FAM168B: variants seen among roughly 807,000 people sequenced by gnomAD.
FAM168B encodes the protein family with sequence similarity 168 member B, also known as myelin-associated neurite-outgrowth inhibitor.
In FAM168B, 19 loss-of-function variants were observed where a neutral mutation model predicts 21.8. The ratio of observed to expected loss-of-function variants is 0.87; its 90% CI spans 0.61 to 1.28. The LOEUF (loss-of-function observed/expected upper bound fraction) is 1.28. Among genes scored for constraint, FAM168B ranks in the 50% most tolerant of loss-of-function variants. The pLI, the probability that FAM168B is intolerant of heterozygous loss-of-function variation, is 0.00. For synonymous variants in FAM168B, 126 were observed against 104.8 expected, an observed-to-expected ratio of 1.20 and a Z score of -1.24; for missense variants, 233 against 263.1, an observed-to-expected ratio of 0.89 and a Z score of 0.79.
chr2:131,090,797 C>T (rs752667633), intron 1 of FAM168B, among the ~76,000 whole-genome samples: 3 of 152,136 alleles, frequency 2.0e-5, no homozygotes, highest in Non-Finnish European at 4.4e-5. Flanking sequence ...GGCACAATCT[C>T]GGCTCACTGC....
In FAM168B at chr2:131,049,215, C is replaced by T. The variant is rs971011084; in HGVS notation, c.*3250G>A. On this transcript the variant is annotated 3_prime_UTR_variant, in exon 7 of 7. Coordinates refer to ENST00000389915, the MANE Select transcript of FAM168B (RefSeq NM_001009993.4). ...GACACATGCAAATTATTTCCTAGACCTCATTCATCACAGCCAGATGATGCC... is the reference window on the plus strand; with the variant it reads ...GACACATGCAAATTATTTCCTAGACTTCATTCATCACAGCCAGATGATGCC... 1.0e-6 allele frequency: 1 copy of T among 985,266 alleles called. No homozygotes were observed. The highest frequency in any genetic ancestry group is 1.7e-5 in the African/African-American group (1 of 57,212). The allele number at this position is 985,266 out of a possible 1,614,324, so 61.0% of individuals were successfully genotyped here.
In FAM168B at chr2:131,071,914, G is replaced by A. The variant is rs958271838; in HGVS notation, c.95C>T (p.Ala32Val). Residue 32 changes from alanine (A) to valine (V), a missense_variant, in exon 3 of 7, where the codon GCA (alanine) becomes GTA (valine). By Grantham distance (64) the Ala-to-Val change is moderately conservative. Transcript: ENST00000389915. ...GTTAGGAGAATAGGCAGGAGCTGCT[G>A]CTGCATAGCCCATGGGAAAACCAGC... Reference protein sequence around the residue: ...YPAGFPMGYAAAAPAYSPNMY... With the variant: ...YPAGFPMGYAVAAPAYSPNMY... 1.9e-6 allele frequency: 3 copies of A among 1,614,086 alleles called. No homozygotes were observed. The highest frequency in any genetic ancestry group is 1.7e-5 in the Admixed American group (1 of 60,022).
intron 3 of FAM168B, among the ~76,000 whole-genome samples, chr2:131,062,630 TAG>T (rs1692361068): frequency 6.6e-6 from 1 of 152,202 alleles, no homozygotes; most frequent in Non-Finnish European, 1.5e-5. Flanking sequence ...GTATTTTTAG[TAG>T]AGACTGGATT....
Position 131,055,695 on chromosome 2 carries a change from C to A in FAM168B, c.155G>T (p.Gly52Val). The A allele has an allele frequency of 1.2e-6, 2 of 1,613,460 alleles. No homozygotes were observed. Among genetic ancestry groups the A allele is most frequent in the Non-Finnish European group, 1.7e-6 (2 of 1,179,740 alleles). Residue 52 changes from glycine (G) to valine (V), a missense_variant and splice_region_variant, in exon 4 of 7, where the codon GGT (glycine) becomes GTT (valine). Coordinates refer to ENST00000389915, the MANE Select transcript of FAM168B (RefSeq NM_001009993.4). ...YPGANPTFQT[G>V]YTPGTPYKVS... ...TTTGTAAGGTGTGCCAGGAGTGTAA[C>A]CTGGAACAAAGAAGGCAATGGCCTG...
At position 131,052,334 on chromosome 2, in the gene FAM168B, T is replaced by C. The variant is rs1691728837; in HGVS notation, c.*131A>G. Reference sequence around the variant, plus strand: ...CGCTGGGGCCTGCTGGGCCGGGATATAGTCGTGTTTAGCTAAGTGTCGAGA... The same window carrying C: ...CGCTGGGGCCTGCTGGGCCGGGATACAGTCGTGTTTAGCTAAGTGTCGAGA... On this transcript the variant is annotated 3_prime_UTR_variant, in exon 7 of 7. Coordinates refer to ENST00000389915, the MANE Select transcript of FAM168B (RefSeq NM_001009993.4). The C allele has an allele frequency of 1.0e-6, 1 of 986,088 alleles. No homozygotes were observed. Among genetic ancestry groups the C allele is most frequent in the Non-Finnish European group, 1.2e-6 (1 of 830,102 alleles). The allele number at this position is 986,088 out of a possible 1,614,324, so 61.1% of individuals were successfully genotyped here.
chr2:131,055,685 A>G lies in FAM168B; in HGVS notation c.165T>C (p.Pro55=). ...ANPTFQTGYT[P]GTPYKVSCSP... ...AACAGGACACTTTGTAAGGTGTGCC[A>G]GGAGTGTAACCTGGAACAAAGAAGG... Residue 55 remains proline, a synonymous_variant, in exon 4 of 7, where the codon CCT becomes CCC. Transcript: ENST00000389915. 1 of 1,613,844 alleles carries G rather than the reference A, an allele frequency of 6.2e-7. No homozygotes were observed.
intron 3 of FAM168B, among the ~76,000 whole-genome samples, chr2:131,070,049 G>C (rs1692795458): frequency 6.6e-6 from 1 of 150,812 alleles, no homozygotes; most frequent in African/African-American, 2.4e-5. Context: ...AGTAGAGACG[G>C]GGTTTCACCA....
chr2:131,073,305 C>G (rs1692974436), intron 2 of FAM168B, among the ~76,000 whole-genome samples: 1 of 152,136 alleles, frequency 6.6e-6, no homozygotes, highest in Admixed American at 6.5e-5. Context: ...GCTGGCCAGG[C>G]TGGTCTCGAA....
chr2:131,075,715 A>C (rs1693118046), intron 2 of FAM168B, among the ~76,000 whole-genome samples: 1 of 151,940 alleles, frequency 6.6e-6, no homozygotes, highest in Non-Finnish European at 1.5e-5. Context: ...GTCTCGATCT[A>C]CATACCTCGT....
chr2:131,080,549 T>C (rs981974792), intron 2 of FAM168B, among the ~76,000 whole-genome samples: 7 of 150,292 alleles, frequency 4.7e-5, no homozygotes, highest in African/African-American at 1.7e-4. Context: ...ACCCGGGAGA[T>C]GGAGGTTGTA....
chr2:131,070,791 G>A (rs1251890401), intron 3 of FAM168B, among the ~76,000 whole-genome samples: 1 of 151,960 alleles, frequency 6.6e-6, no homozygotes, highest in African/African-American at 2.4e-5. Context: ...AACACAAAAG[G>A]AAAACCACTC....
chr2:131,049,476 A>G lies in FAM168B; in HGVS notation c.*2989T>C. On this transcript the variant is annotated 3_prime_UTR_variant, in exon 7 of 7. Transcript: ENST00000389915. Reference sequence around the variant, plus strand: ...TTCTGGAAGTGCCTTCAGGCCCATTACCATGACTGGCCCTGACTCTGGCCC... The same window carrying G: ...TTCTGGAAGTGCCTTCAGGCCCATTGCCATGACTGGCCCTGACTCTGGCCC... 2.1e-5 allele frequency: 21 copies of G among 985,364 alleles called. No individual in the cohort carries two copies. The highest frequency in any genetic ancestry group is 2.4e-5 in the Non-Finnish European group (20 of 829,926). The allele number at this position is 985,364 out of a possible 1,614,324, so 61.0% of individuals were successfully genotyped here.
At chr2:131,085,067 T>C (rs921072320) in intron 1 of FAM168B, among the ~76,000 whole-genome samples, 8 of 152,280 alleles carry the variant, frequency 5.3e-5, no homozygotes, top group East Asian at 1.9e-4. Context: ...AGGTGATCTT[T>C]AAGATTAAAA....
At position 131,049,692 on chromosome 2, in the gene FAM168B, C is replaced by T; in HGVS notation, c.*2773G>A. ...ATGTCCATGTTTACATGAACTAGGT[C>T]CTTTGCTTACCTGCTGTCTCAACTT... On this transcript the variant is annotated 3_prime_UTR_variant, in exon 7 of 7. Coordinates refer to ENST00000389915, the MANE Select transcript of FAM168B (RefSeq NM_001009993.4). The T allele has an allele frequency of 3.0e-6, 3 of 985,782 alleles. No homozygotes were observed. Among genetic ancestry groups the T allele is most frequent in the Non-Finnish European group, 3.6e-6 (3 of 829,938 alleles). 61.1% of individuals were successfully genotyped at this position (985,782 alleles called of 1,614,324 possible).
chr2:131,082,764 TA>T, intron 1 of FAM168B, 107 bp from the exon 2 acceptor site: 1 of 662,098 alleles, frequency 1.5e-6, no homozygotes, highest in South Asian at 2.0e-5. Flanking sequence ...TAGGCTGCTA[TA>T]AAACAATGCA....
intron 2 of FAM168B, among the ~76,000 whole-genome samples, chr2:131,081,675 A>G (rs2105566903): frequency 6.6e-6 from 1 of 152,258 alleles, no homozygotes; most frequent in Non-Finnish European, 1.5e-5. Context: ...TCTCACTCTC[A>G]TTCCCTGTCG....
intron 3 of FAM168B, among the ~76,000 whole-genome samples, chr2:131,057,130 A>T (rs1692067766): frequency 6.6e-6 from 1 of 152,224 alleles, no homozygotes; most frequent in Non-Finnish European, 1.5e-5. Context: ...CGTGTCAGAC[A>T]GTGCAACTTT....
Position 131,052,295 on chromosome 2 carries a change from C to G in FAM168B, c.*170G>C, listed in dbSNP as rs1358996386. 2.0e-6 allele frequency: 2 copies of G among 985,852 alleles called. No individual in the cohort carries two copies. Among genetic ancestry groups the G allele is most frequent in the Admixed American group, 6.1e-5 (1 of 16,278 alleles). The allele number at this position is 985,852 out of a possible 1,614,324, so 61.1% of individuals were successfully genotyped here. A position where few individuals can be genotyped will look rare whatever the true frequency, so the allele number is the denominator to read the frequency against. On this transcript the variant is annotated 3_prime_UTR_variant, in exon 7 of 7. Transcript: ENST00000389915. Reference sequence around the variant, plus strand: ...CTTTAAGACCAACCCACAGAGTCAGCTGGAGACTAACGGCGCTGGGGCCTG... The same window carrying G: ...CTTTAAGACCAACCCACAGAGTCAGGTGGAGACTAACGGCGCTGGGGCCTG...
chr2:131,089,579 C>T (rs1193663730), intron 1 of FAM168B, among the ~76,000 whole-genome samples: 3 of 148,880 alleles, frequency 2.0e-5, no homozygotes, highest in Admixed American at 6.8e-5. Flanking sequence ...AAAAAAAATA[C>T]AAAAAGAAAA....
Sources: allele counts gnomAD v4.1 joint callset (sites outside exome capture counted in the v4.1 genomes callset), GRCh38; gene constraint gnomAD v4.1.1; transcripts MANE v1.5; gene names NCBI Gene and HGNC (gene_info 2026-07-23, HGNC 2026-07-21).